Variants in LEKR1 observed in about 807,000 individuals in gnomAD.
LEKR1 encodes the protein protein LEKR1.
LEKR1 carries 59 observed loss-of-function variants against 72.4 expected under a neutral mutation model. That is an observed-to-expected ratio of 0.82 (90% CI 0.66 to 1.01). The LOEUF (loss-of-function observed/expected upper bound fraction) is 1.01. Among genes scored for constraint, LEKR1 ranks in the 50% least tolerant of loss-of-function variants. The pLI, the probability that LEKR1 is intolerant of heterozygous loss-of-function variation, is 0.00. For synonymous variants in LEKR1, 257 were observed against 263.2 expected (o/e 0.98, Z 0.23); for missense variants, 728 against 759.2 (o/e 0.96, Z 0.48).
chr3:157,015,592 G>A (rs910172109), intron 10 of LEKR1, among the ~76,000 whole-genome samples: 2 of 152,092 alleles, frequency 1.3e-5, no homozygotes, highest in African/African-American at 4.8e-5. Flanking sequence ...TGCATCCTAG[G>A]ACAGAGCTCA....
At chr3:156,882,620 A>G (rs927178174) in intron 3 of LEKR1, among the ~76,000 whole-genome samples, 1 of 152,206 alleles carries the variant, frequency 6.6e-6, no homozygotes, top group Admixed American at 6.5e-5. Context: ...TAGAACTAGA[A>G]ATACCATTTG....
At chr3:156,967,797 A>G (rs1271003367) in intron 6 of LEKR1, among the ~76,000 whole-genome samples, 1 of 152,208 alleles carries the variant, frequency 6.6e-6, no homozygotes, top group African/African-American at 2.4e-5. Context: ...ACTCCTCGAG[A>G]AGAGCAACTC....
At chr3:156,875,241 G>A (rs1326116960) in intron 3 of LEKR1, among the ~76,000 whole-genome samples, 1 of 152,048 alleles carries the variant, frequency 6.6e-6, no homozygotes, top group African/African-American at 2.4e-5. Flanking sequence ...GAATAATATG[G>A]TATCACATTG....
chr3:157,040,210 C>T (rs1245825245), intron 12 of LEKR1, among the ~76,000 whole-genome samples: 1 of 152,136 alleles, frequency 6.6e-6, no homozygotes, highest in African/African-American at 2.4e-5. Context: ...TTAATTAGTG[C>T]TAATTAAATC....
At chr3:156,914,144 A>G (rs553938258) in intron 3 of LEKR1, among the ~76,000 whole-genome samples, 1 of 152,192 alleles carries the variant, frequency 6.6e-6, no homozygotes, top group Admixed American at 6.5e-5. Flanking sequence ...AATTTTCTCA[A>G]TTCTTTAAAA....
At chr3:157,013,785 A>G (rs117260234) in intron 10 of LEKR1, among the ~76,000 whole-genome samples, 2 of 152,238 alleles carry the variant, frequency 1.3e-5, no homozygotes, top group East Asian at 1.9e-4. Context: ...TGACATTTTC[A>G]TCTCCTTCTT....
chr3:156,984,677 A>G (rs1730524250), intron 7 of LEKR1, among the ~76,000 whole-genome samples: 1 of 152,050 alleles, frequency 6.6e-6, no homozygotes, highest in South Asian at 2.1e-4. Flanking sequence ...ACTCGGTCTC[A>G]AAAAAAATTT....
chr3:157,034,550 T>C (rs1440775792), intron 12 of LEKR1, among the ~76,000 whole-genome samples: 1 of 152,222 alleles, frequency 6.6e-6, no homozygotes, highest in Non-Finnish European at 1.5e-5. Context: ...TTCTTATAGA[T>C]GAGCAAAGAA....
chr3:157,019,001 T>TTA (rs1733601847), intron 10 of LEKR1, among the ~76,000 whole-genome samples: 2 of 152,232 alleles, frequency 1.3e-5, no homozygotes, highest in Non-Finnish European at 2.9e-5. Flanking sequence ...TCATCTGCTT[T>TTA]TATTATTTAT....
At chr3:156,859,243 A>G (rs1716458170) in intron 3 of LEKR1, among the ~76,000 whole-genome samples, 1 of 152,214 alleles carries the variant, frequency 6.6e-6, no homozygotes, top group Non-Finnish European at 1.5e-5. Flanking sequence ...CTTCAAAATG[A>G]ATATGGATTT....
intron 6 of LEKR1, among the ~76,000 whole-genome samples, chr3:156,945,521 T>G (rs1726600138): frequency 6.6e-6 from 1 of 151,842 alleles, no homozygotes; most frequent in African/African-American, 2.4e-5. Flanking sequence ...AAGAAACTTT[T>G]GCCTAGTCCA....
At chr3:156,847,027 G>A (rs1434658100) in intron 2 of LEKR1, among the ~76,000 whole-genome samples, 1 of 151,966 alleles carries the variant, frequency 6.6e-6, no homozygotes, top group Non-Finnish European at 1.5e-5. Context: ...TGTTGTCCAG[G>A]CTCATCCTGG....
At chr3:156,865,290 T>G (rs1394225518) in intron 3 of LEKR1, among the ~76,000 whole-genome samples, 4 of 151,996 alleles carry the variant, frequency 2.6e-5, no homozygotes, top group Non-Finnish European at 5.9e-5. Flanking sequence ...CTTGGGCAAA[T>G]TACTTAAATG....
intron 12 of LEKR1, among the ~76,000 whole-genome samples, chr3:157,045,022 A>G (rs1317038115): frequency 6.6e-6 from 1 of 152,238 alleles, no homozygotes; most frequent in Non-Finnish European, 1.5e-5. Context: ...GAAGTTAGGT[A>G]TAAGAAGTCC....
At chr3:157,033,082 G>A (rs1202399622) in intron 12 of LEKR1, among the ~76,000 whole-genome samples, 1 of 152,092 alleles carries the variant, frequency 6.6e-6, no homozygotes, top group Non-Finnish European at 1.5e-5. Context: ...TGTGTGTTCG[G>A]ACTAATCCAC....
intron 6 of LEKR1, among the ~76,000 whole-genome samples, chr3:156,955,048 G>C (rs1727499547): frequency 6.6e-6 from 1 of 151,890 alleles, no homozygotes; most frequent in Non-Finnish European, 1.5e-5. Flanking sequence ...GTCATTTGTA[G>C]TTCTCCTTGA....
rs184453852 is a variant in LEKR1, at chr3:156,949,758, A to G, written c.745+7044A>G. Among the ~76,000 whole-genome samples the G allele has an allele frequency of 1.4e-3, 207 of 151,498 alleles. No individual in the cohort carries two copies. In the Middle Eastern group the frequency reaches 0.02, roughly 15 times the overall value. ...AGTAAGACTTGATCACATACTCAGC[A>G]TAAAGAAAAGCTGTTTGTTTCAGTT... On this transcript the variant is annotated intron_variant, in intron 6 of 12. Coordinates refer to ENST00000356539, the MANE Select transcript of LEKR1 (RefSeq NM_001004316.3).
Position 156,890,630 on chromosome 3 carries a change from G to A in LEKR1, c.264-29945G>A, listed in dbSNP as rs115256262. Among the ~76,000 whole-genome samples the A allele has an allele frequency of 7.7e-3, 1,165 of 152,174 alleles. 18 individuals are homozygous for A. The highest frequency in any genetic ancestry group is 0.027 in the African/African-American group (1,112 of 41,534). ...AAAAATGCATGCAGACTTCAGCCTA[G>A]CCTTTTGTTCCAACTATCAGAAATT... is the stretch of plus-strand genomic sequence containing the variant. On this transcript the variant is annotated intron_variant, in intron 3 of 12. Coordinates refer to ENST00000356539, the MANE Select transcript of LEKR1 (RefSeq NM_001004316.3).
At chr3:156,873,112 G>A (rs1576708144) in intron 3 of LEKR1, among the ~76,000 whole-genome samples, 1 of 151,870 alleles carries the variant, frequency 6.6e-6, no homozygotes, top group African/African-American at 2.4e-5. Context: ...GTGCTCTGGT[G>A]TTGGTTTAGA....
Sources: allele counts gnomAD v4.1 joint callset (sites outside exome capture counted in the v4.1 genomes callset), GRCh38; gene constraint gnomAD v4.1.1; transcripts MANE v1.5; gene names NCBI Gene and HGNC (gene_info 2026-07-23, HGNC 2026-07-21).